Variants in TAFA2 observed in about 807,000 individuals in gnomAD.
TAFA2 encodes chemokine-like protein TAFA-2.
A neutral mutation model predicts 18.8 loss-of-function variants in TAFA2; 7 were observed. The ratio of observed to expected loss-of-function variants is 0.37; its 90% CI spans 0.21 to 0.70. TAFA2 has a LOEUF of 0.70. Ranked by LOEUF, TAFA2 falls within the 30% of genes least tolerant of loss-of-function variation. The pLI is 0.53. For synonymous variants in TAFA2, 60 were observed against 54.2 expected (o/e 1.11, Z -0.47); for missense variants, 122 against 158.1 (o/e 0.77, Z 1.23).
intron 1 of TAFA2, among the ~76,000 whole-genome samples, chr12:61,971,274 A>G (rs1406168419): frequency 1.3e-5 from 2 of 151,650 alleles, no homozygotes; most frequent in Non-Finnish European, 3.0e-5. Flanking sequence ...ATTATACAAT[A>G]CTCTTGAATC....
intron 1 of TAFA2, among the ~76,000 whole-genome samples, chr12:61,894,196 T>G (rs1228379111): frequency 6.6e-6 from 1 of 152,238 alleles, no homozygotes; most frequent in Non-Finnish European, 1.5e-5. Flanking sequence ...ATAAAATAGT[T>G]ACAACACCAA....
intron 1 of TAFA2, among the ~76,000 whole-genome samples, chr12:61,935,856 A>T (rs976826078): frequency 1.1e-4 from 16 of 144,536 alleles, no homozygotes; most frequent in African/African-American, 3.0e-4. Flanking sequence ...ATCAGTAATT[A>T]AAAAAAAAAC....
chr12:62,145,344 A>C (rs2062272549), intron 1 of TAFA2, among the ~76,000 whole-genome samples: 1 of 152,076 alleles, frequency 6.6e-6, no homozygotes, highest in Non-Finnish European at 1.5e-5. Flanking sequence ...CCAGAACCCT[A>C]CTGTGAACTG....
chr12:61,838,578 T>C (rs1037189450), intron 2 of TAFA2, among the ~76,000 whole-genome samples: 8 of 151,976 alleles, frequency 5.3e-5, no homozygotes. Context: ...CTTTTGCGCA[T>C]GTACAGGATT....
chr12:61,712,880 T>C (rs1222456606), intron 4 of TAFA2, among the ~76,000 whole-genome samples: 1 of 152,162 alleles, frequency 6.6e-6, no homozygotes, highest in Non-Finnish European at 1.5e-5. Flanking sequence ...GCTCTGTATT[T>C]AGGCCAGAAT....
At chr12:62,048,257 T>A (rs997100915) in intron 1 of TAFA2, among the ~76,000 whole-genome samples, 4 of 151,988 alleles carry the variant, frequency 2.6e-5, no homozygotes, top group African/African-American at 9.7e-5. Flanking sequence ...TGGCAGAAGG[T>A]GAAGAGGAAG....
At chr12:61,909,954 G>A (rs1406066224) in intron 1 of TAFA2, among the ~76,000 whole-genome samples, 1 of 152,080 alleles carries the variant, frequency 6.6e-6, no homozygotes, top group East Asian at 1.9e-4. Context: ...ATTATTAAAG[G>A]AGGCTATGCA....
At chr12:61,829,764 G>T (rs144719468) in intron 2 of TAFA2, among the ~76,000 whole-genome samples, 3,010 of 151,424 alleles carry the variant, frequency 0.02, 102 homozygotes, top group African/African-American at 0.069. Context: ...AATCTCTGTA[G>T]GATTATTTAC....
chr12:61,770,568 T>C (rs1869982657), intron 2 of TAFA2, among the ~76,000 whole-genome samples: 3 of 152,214 alleles, frequency 2.0e-5, no homozygotes, highest in South Asian at 2.1e-4. Context: ...CTAGAAGGGA[T>C]TGGGGTCCTA....
intron 1 of TAFA2, among the ~76,000 whole-genome samples, chr12:62,014,704 A>G (rs1438550139): frequency 1.3e-5 from 2 of 152,218 alleles, no homozygotes; most frequent in Non-Finnish European, 1.5e-5. Flanking sequence ...ATAGTTAAAC[A>G]GGCCATAAAG....
At chr12:62,223,548 G>C (rs1319549030) in intron 1 of TAFA2, among the ~76,000 whole-genome samples, 3 of 152,022 alleles carry the variant, frequency 2.0e-5, no homozygotes, top group African/African-American at 7.3e-5. Flanking sequence ...AAAAAACGAA[G>C]TTGGATCTTT....
At chr12:62,027,972 T>C (rs927501134) in intron 1 of TAFA2, among the ~76,000 whole-genome samples, 8 of 152,144 alleles carry the variant, frequency 5.3e-5, no homozygotes, top group Non-Finnish European at 1.0e-4. Flanking sequence ...TAGCCTTCGT[T>C]TTCTATGTTG....
chr12:61,970,712 A>AT (rs1200982444), intron 1 of TAFA2, among the ~76,000 whole-genome samples: 1 of 151,544 alleles, frequency 6.6e-6, no homozygotes, highest in Non-Finnish European at 1.5e-5. Flanking sequence ...CCAAGAAATA[A>AT]TCACCGAGAA....
chr12:61,770,290 T>A (rs765216304), intron 2 of TAFA2, among the ~76,000 whole-genome samples: 23 of 152,088 alleles, frequency 1.5e-4, no homozygotes, highest in Non-Finnish European at 2.9e-4. Context: ...AGAAAAGAAA[T>A]TTCAAAGTTT....
At chr12:62,234,609 T>C in intron 1 of TAFA2, 3 of 820,914 alleles carry the variant, frequency 3.7e-6, no homozygotes, top group East Asian at 4.9e-5. Flanking sequence ...GTTGCACAAA[T>C]AGGGCCTCTC....
chr12:61,799,519 A>C (rs1434391090), intron 2 of TAFA2, among the ~76,000 whole-genome samples: 1 of 152,176 alleles, frequency 6.6e-6, no homozygotes, highest in Non-Finnish European at 1.5e-5. Context: ...ATATTCATAT[A>C]TACATTTAAA....
At chr12:62,171,189 C>T (rs991600793) in intron 1 of TAFA2, among the ~76,000 whole-genome samples, 9 of 151,886 alleles carry the variant, frequency 5.9e-5, no homozygotes, top group African/African-American at 2.2e-4. Context: ...TAATCATCAC[C>T]TCTCAATTAA....
chr12:61,876,345 C>T (rs1490097506), intron 1 of TAFA2, among the ~76,000 whole-genome samples: 2 of 152,138 alleles, frequency 1.3e-5, no homozygotes, highest in Admixed American at 1.3e-4. Context: ...ACAACGAAAA[C>T]AATCTTTAAG....
At chr12:61,903,570 C>A (rs531184099) in intron 1 of TAFA2, among the ~76,000 whole-genome samples, 130 of 152,224 alleles carry the variant, frequency 8.5e-4, no homozygotes, top group African/African-American at 3.0e-3. Flanking sequence ...CTGGCTGGCT[C>A]AATAAATATT....
Sources: gnomAD v4.1 joint callset for allele counts (sites outside exome capture counted in the v4.1 genomes callset) on GRCh38, gnomAD v4.1.1 for gene constraint, MANE v1.5 for transcripts, NCBI Gene and HGNC (gene_info 2026-07-23, HGNC 2026-07-21) for gene names.